Variants in SLC4A4 observed in about 807,000 individuals in gnomAD.
SLC4A4 encodes the protein electrogenic sodium bicarbonate cotransporter 1.
A neutral mutation model predicts 111.5 loss-of-function variants in SLC4A4; 27 were observed. That is an observed-to-expected ratio of 0.24 (90% CI 0.18 to 0.33). The LOEUF (loss-of-function observed/expected upper bound fraction) is 0.33, where lower values mean the gene tolerates loss of function less well. Ranked by LOEUF, SLC4A4 falls within the 10% of genes least tolerant of loss-of-function variation. The pLI is 1.00. For missense variants in SLC4A4, 909 were observed against 1,315.5 expected, an observed-to-expected ratio of 0.69 and a Z score of 4.78; for synonymous variants, 443 against 463.4, an observed-to-expected ratio of 0.96 and a Z score of 0.57.
chr4:71,461,166 G>C (rs1726782044), intron 12 of SLC4A4, among the ~76,000 whole-genome samples: 1 of 151,930 alleles, frequency 6.6e-6, no homozygotes, highest in African/African-American at 2.4e-5. Context: ...AAAAAGACTG[G>C]TGTTTCTTTT....
intron 6 of SLC4A4, among the ~76,000 whole-genome samples, chr4:71,379,614 C>A (rs1329789627): frequency 6.6e-6 from 1 of 152,090 alleles, no homozygotes; most frequent in Non-Finnish European, 1.5e-5. Context: ...AAATATGTTT[C>A]CTTCATCATT....
chr4:71,174,565 T>C (rs1560758678), intron 2 of SLC4A4, among the ~76,000 whole-genome samples: 3 of 152,084 alleles, frequency 2.0e-5, no homozygotes, highest in Non-Finnish European at 4.4e-5. Flanking sequence ...CATTTTTTAA[T>C]ACAGTATGGT....
At chr4:71,156,759 A>G (rs1289791824) in intron 2 of SLC4A4, among the ~76,000 whole-genome samples, 1 of 152,070 alleles carries the variant, frequency 6.6e-6, no homozygotes, top group Non-Finnish European at 1.5e-5. Context: ...CTTTGCTACC[A>G]CTACTATTTT....
chr4:71,102,289 G>C (rs1454765044), intron 2 of SLC4A4, among the ~76,000 whole-genome samples: 1 of 149,376 alleles, frequency 6.7e-6, no homozygotes, highest in Non-Finnish European at 1.5e-5. Context: ...CCAAATCTAC[G>C]TCTGATTGGT....
intron 14 of SLC4A4, among the ~76,000 whole-genome samples, chr4:71,473,531 GAGA>G (rs1728079698): frequency 6.6e-6 from 1 of 151,808 alleles, no homozygotes; most frequent in African/African-American, 2.4e-5. Flanking sequence ...GAAAGGAAGA[GAGA>G]AGAAGAAATG....
intron 2 of SLC4A4, among the ~76,000 whole-genome samples, chr4:71,131,627 T>C (rs138473330): frequency 3.3e-4 from 51 of 152,368 alleles, no homozygotes; most frequent in African/African-American, 1.2e-3. Context: ...TGAAAAGCTG[T>C]ATTAATCTAG....
At chr4:71,507,127 C>A (rs1331570275) in intron 16 of SLC4A4, among the ~76,000 whole-genome samples, 1 of 152,124 alleles carries the variant, frequency 6.6e-6, no homozygotes, top group East Asian at 1.9e-4. Flanking sequence ...CCCTTACCAG[C>A]CACTACAAAA....
chr4:71,542,903 T>G (rs1458136012), intron 18 of SLC4A4, among the ~76,000 whole-genome samples: 1 of 152,140 alleles, frequency 6.6e-6, no homozygotes, highest in Non-Finnish European at 1.5e-5. Flanking sequence ...ATTTATTCAT[T>G]TATCCATCAA....
chr4:71,558,775 G>T (rs953015195), intron 22 of SLC4A4, among the ~76,000 whole-genome samples: 6 of 151,704 alleles, frequency 4.0e-5, no homozygotes, highest in African/African-American at 1.4e-4. Flanking sequence ...GTCCAAGGAT[G>T]CAAGAAAAAA....
chr4:71,520,579 T>C (rs1732836371), intron 16 of SLC4A4, among the ~76,000 whole-genome samples: 1 of 152,226 alleles, frequency 6.6e-6, no homozygotes, highest in Admixed American at 6.5e-5. Flanking sequence ...AAAGGGAAAG[T>C]TTGGCTAGAT....
intron 2 of SLC4A4, among the ~76,000 whole-genome samples, chr4:71,122,648 A>G (rs940022757): frequency 1.3e-5 from 2 of 152,166 alleles, no homozygotes; most frequent in Non-Finnish European, 2.9e-5. Flanking sequence ...CACTGACAGT[A>G]GGTGCCTACC....
chr4:71,520,321 TTAAAC>T lies in SLC4A4; in HGVS notation c.2167-11738_2167-11734del, dbSNP rs368805144. On this transcript the variant is annotated intron_variant, in intron 16 of 25. Transcript: ENST00000264485. ...AACATTTGTATGAGTTGTTAAGACT[TTAAAC>T]TACTTTAAAACACTTAGACTTCTCT... Among the ~76,000 whole-genome samples the T allele has an allele frequency of 3.5e-3, 523 of 149,690 alleles. 3 individuals are homozygous for T. The highest frequency in any genetic ancestry group is 0.013 in the African/African-American group (501 of 39,918).
chr4:71,307,265 G>A (rs1003073975), intron 3 of SLC4A4, among the ~76,000 whole-genome samples: 2 of 152,118 alleles, frequency 1.3e-5, no homozygotes, highest in African/African-American at 4.8e-5. Flanking sequence ...ACCTCACCCA[G>A]GGCATTGTAT....
In SLC4A4 at chr4:71,179,888, T is replaced by C. The variant is rs559320246; in HGVS notation, c.-1-56688T>C. 4.6e-5 allele frequency among the ~76,000 whole-genome samples: 7 copies of C among 152,200 alleles called. No individual in the cohort carries two copies. The South Asian group carries it at 1.2e-3, about 27-fold the overall frequency. On this transcript the variant is annotated intron_variant, in intron 2 of 26. Coordinates refer to the SLC4A4 transcript ENST00000649996. Reference sequence around the variant, plus strand: ...ATGGAACCAAAAAAAGAGCCCACATTGCCAAGTCAATCCGAAGCCAAAAGA... The same window carrying C: ...ATGGAACCAAAAAAAGAGCCCACATCGCCAAGTCAATCCGAAGCCAAAAGA...
In SLC4A4 at chr4:71,568,791, C is replaced by A. The variant is rs1400737106; in HGVS notation, c.*1040C>A. The stretch of plus-strand genomic sequence containing the variant: ...ACATACACACACAAATACACAATCT[C>A]TAGGGTAAGCCAGAAGGCAAGATCA... On this transcript the variant is annotated 3_prime_UTR_variant, in exon 26 of 26. Transcript: ENST00000264485. 1 of 152,048 alleles carries A rather than the reference C, an allele frequency of 6.6e-6. No individual in the cohort carries two copies. Among genetic ancestry groups the A allele is most frequent in the Non-Finnish European group, 1.5e-5 (1 of 67,808 alleles). 9.4% of individuals were successfully genotyped at this position (152,048 alleles called of 1,614,324 possible).
At chr4:71,081,303 CA>C (rs1295684480) in intron 1 of SLC4A4, among the ~76,000 whole-genome samples, 1 of 152,112 alleles carries the variant, frequency 6.6e-6, no homozygotes, top group African/African-American at 2.4e-5. Flanking sequence ...TTTATTCATG[CA>C]GAGCCTGGGC....
intron 9 of SLC4A4, among the ~76,000 whole-genome samples, chr4:71,450,161 C>A (rs934280162): frequency 1.9e-4 from 29 of 152,220 alleles, no homozygotes; most frequent in Non-Finnish European, 2.5e-4. Flanking sequence ...GGAAAAAAAA[C>A]CACATAAAAA....
intron 18 of SLC4A4, among the ~76,000 whole-genome samples, chr4:71,536,485 T>TATATATATATATAAA (rs760037325): frequency 1.2e-5 from 1 of 84,030 alleles, no homozygotes; most frequent in Non-Finnish European, 2.2e-5. Flanking sequence ...TATATATATA[T>TATATATATATATAAA]ATGTATATAT....
At chr4:71,376,086 C>CATATATATATGTAT (rs1560452671) in intron 6 of SLC4A4, among the ~76,000 whole-genome samples, 1 of 137,048 alleles carries the variant, frequency 7.3e-6, no homozygotes, top group Non-Finnish European at 1.6e-5. Context: ...TATATATATA[C>CATATATATATGTAT]ATATATACGT....
Sources: allele counts gnomAD v4.1 joint callset (sites outside exome capture counted in the v4.1 genomes callset), GRCh38; gene constraint gnomAD v4.1.1; transcripts MANE v1.5; gene names NCBI Gene and HGNC (gene_info 2026-07-23, HGNC 2026-07-21).